CELF2: variants seen among roughly 807,000 people sequenced by gnomAD.
The protein encoded by CELF2 is CUGBP Elav-like family member 2.
A neutral mutation model predicts 62.6 loss-of-function variants in CELF2; 8 were observed. The ratio of observed to expected loss-of-function variants is 0.13; its 90% confidence interval spans 0.07 to 0.23. CELF2 has a LOEUF of 0.23. CELF2 is among the 10% of genes least tolerant of loss of function. CELF2 has a pLI of 1.00. For synonymous variants in CELF2, 258 were observed against 250.0 expected, an observed-to-expected ratio of 1.03 and a Z score of -0.30; for missense variants, 333 against 671.0, an observed-to-expected ratio of 0.50 and a Z score of 5.56.
chr10:10,654,749 C>T, the CELF2 span, among the ~76,000 whole-genome samples: 1 of 140,552 alleles, frequency 7.1e-6, no homozygotes, highest in African/African-American at 2.7e-5. Flanking sequence ...ATGACAAACC[C>T]ACAGCCAATA....
chr10:11,289,158 A>C (rs1032203494), intron 9 of CELF2, among the ~76,000 whole-genome samples: 1 of 151,792 alleles, frequency 6.6e-6, no homozygotes, highest in African/African-American at 2.4e-5. Flanking sequence ...TTGCTTAGAT[A>C]CCGTGATTTG....
the CELF2 span, among the ~76,000 whole-genome samples, chr10:10,722,499 C>T: frequency 7.0e-6 from 1 of 142,726 alleles, no homozygotes. Context: ...CTCCTTAAAG[C>T]CTGAATTGAA....
At chr10:10,653,264 A>C in the CELF2 span, among the ~76,000 whole-genome samples, 1 of 151,984 alleles carries the variant, frequency 6.6e-6, no homozygotes, top group Non-Finnish European at 1.5e-5. Context: ...ACACATTCAT[A>C]ATGGGAGACT....
chr10:10,735,810 C>T, the CELF2 span, among the ~76,000 whole-genome samples: 2 of 152,132 alleles, frequency 1.3e-5, no homozygotes, highest in African/African-American at 2.4e-5. Context: ...CCTCACCCTT[C>T]CTAGAGAAAG....
Position 10,810,760 on chromosome 10 carries a change from A to G in CELF2, c.53+11943A>G, listed in dbSNP as rs80252142. Among the ~76,000 whole-genome samples the G allele has an allele frequency of 4.7e-3, 716 of 152,326 alleles. 1 individual carries two copies. The highest frequency in any genetic ancestry group is 0.016 in the African/African-American group (669 of 41,590). On this transcript the variant is annotated intron_variant, in intron 1 of 13. Coordinates refer to the CELF2 transcript ENST00000636488. ...CCACTAAAGTTCCCAATCATCGTTCATCAAGTCATGCCAACAAGAAGTGGG... is the reference window on the plus strand; with the variant it reads ...CCACTAAAGTTCCCAATCATCGTTCGTCAAGTCATGCCAACAAGAAGTGGG...
the CELF2 span, among the ~76,000 whole-genome samples, chr10:10,603,784 TACAC>T: frequency 3.9e-4 from 58 of 148,530 alleles, no homozygotes; most frequent in South Asian, 6.4e-4. Flanking sequence ...TATTTACACA[TACAC>T]ACACACACAC....
intron 1 of CELF2, among the ~76,000 whole-genome samples, chr10:10,839,644 A>C (rs1477160567): frequency 6.6e-6 from 1 of 152,236 alleles, no homozygotes; most frequent in Non-Finnish European, 1.5e-5. Flanking sequence ...AGGTTGCTTC[A>C]AATGTGTGTA....
chr10:10,652,075 G>A, the CELF2 span, among the ~76,000 whole-genome samples: 1 of 145,088 alleles, frequency 6.9e-6, no homozygotes, highest in East Asian at 2.0e-4. Context: ...CGTGAAGAAT[G>A]CAGAAGCCTC....
intron 1 of CELF2, among the ~76,000 whole-genome samples, chr10:10,825,187 G>T (rs908469327): frequency 5.9e-5 from 9 of 151,968 alleles, no homozygotes; most frequent in Non-Finnish European, 1.0e-4. Context: ...GATTTTTTTT[G>T]TTGTTGTTTT....
intron 5 of CELF2, among the ~76,000 whole-genome samples, chr10:11,261,225 G>A: frequency 6.6e-6 from 1 of 152,154 alleles, no homozygotes; most frequent in East Asian, 1.9e-4. Flanking sequence ...AACTAGTCTA[G>A]CTGGCTCCTG....
In CELF2 at chr10:11,165,503, A is replaced by G. The variant is rs1352459354; in HGVS notation, c.92A>G (p.Lys31Arg). The change falls in exon 2 of 13, where the codon AAG (lysine) becomes AGG (arginine). Residue 31 changes from lysine to arginine, a missense_variant. This residue lies in a region of CELF2 where 45 missense variants were observed against 39.8 expected (regional missense o/e 1.13). Coordinates refer to ENST00000633077, the MANE Select transcript of CELF2 (RefSeq NM_001326342.2). This position sits in a 1 kb window ranked among gnomAD's most constrained non-coding sequence, Gnocchi z 7.4. ...VPDRINGTAN[K>R]MNGALDHSDQ... ...TTTGACAGTAACGGCACAGCCAACA[A>G]GATGAACGGAGCTTTGGATCACTCA... 7.4e-6 allele frequency: 12 copies of G among 1,613,712 alleles called. No individual in the cohort carries two copies. Among genetic ancestry groups the G allele is most frequent in the African/African-American group, 1.3e-5 (1 of 74,862 alleles).
chr10:10,962,775 G>A (rs990442515), intron 2 of CELF2, among the ~76,000 whole-genome samples: 1 of 152,170 alleles, frequency 6.6e-6, no homozygotes, highest in Non-Finnish European at 1.5e-5. Flanking sequence ...AATGAAGGAA[G>A]AAGGGAGGTG....
rs548972536 is a variant in CELF2, at chr10:11,114,372, A to G, written c.75-51114A>G. On this transcript the variant is annotated intron_variant, in intron 1 of 12. Coordinates refer to ENST00000633077, the MANE Select transcript of CELF2 (RefSeq NM_001326342.2). ...AACAAATGTGAAGGAGTATTAATGA[A>G]TGAAACTGCTGTAGCAGTAAATACA... 5.3e-5 allele frequency among the ~76,000 whole-genome samples: 8 copies of G among 152,366 alleles called. No homozygotes were observed. In the East Asian group the frequency reaches 1.3e-3, roughly 26 times the overall value.
At chr10:10,890,221 A>G (rs1214872794) in intron 1 of CELF2, among the ~76,000 whole-genome samples, 2 of 152,184 alleles carry the variant, frequency 1.3e-5, no homozygotes, top group Non-Finnish European at 1.5e-5. Context: ...ACAGGTATTG[A>G]CCAGCTTTCT....
At chr10:10,988,296 G>T (rs2399627) in intron 2 of CELF2, among the ~76,000 whole-genome samples, 45,115 of 140,670 alleles carry the variant, frequency 0.32, 7,029 homozygotes, top group Admixed American at 0.4. Flanking sequence ...TATATATATA[G>T]AGAGAGAGAG....
chr10:10,488,880 A>C, the CELF2 span, among the ~76,000 whole-genome samples: 2 of 152,138 alleles, frequency 1.3e-5, no homozygotes, highest in Non-Finnish European at 2.9e-5. Context: ...GCTTGGGATC[A>C]AAATCCTGAC....
At chr10:11,126,491 T>C (rs1377380122) in intron 1 of CELF2, among the ~76,000 whole-genome samples, 2 of 152,214 alleles carry the variant, frequency 1.3e-5, no homozygotes, top group Non-Finnish European at 2.9e-5. Context: ...TATATGTGTG[T>C]ATTTACAGTT....
At chr10:10,752,368 T>A in the CELF2 span, among the ~76,000 whole-genome samples, 2 of 152,194 alleles carry the variant, frequency 1.3e-5, no homozygotes, top group Non-Finnish European at 2.9e-5. Context: ...GCACTGTGAC[T>A]TAGCAGGACA....
the CELF2 span, among the ~76,000 whole-genome samples, chr10:10,657,481 G>C: frequency 1.3e-5 from 2 of 152,062 alleles, no homozygotes; most frequent in Admixed American, 1.3e-4. Flanking sequence ...GAGTTATATG[G>C]TACGTGAATT....
Sources: gnomAD v4.1 joint callset for allele counts (sites outside exome capture counted in the v4.1 genomes callset) on GRCh38, gnomAD v4.1.1 for gene constraint, gnomAD v4.1.1 regional missense constraint, Gnocchi (gnomAD v3.1) non-coding constraint, MANE v1.5 for transcripts, NCBI Gene and HGNC (gene_info 2026-07-23, HGNC 2026-07-21) for gene names.